Variants in SCRIB observed in about 807,000 individuals in gnomAD.
The protein encoded by SCRIB is scribble planar cell polarity protein.
SCRIB carries 72 observed loss-of-function variants against 170.0 expected under a neutral mutation model. The observed-to-expected ratio is 0.42, with a 90% CI of 0.35 to 0.52. The LOEUF is 0.52. Ranked by LOEUF, SCRIB falls within the 20% of genes least tolerant of loss-of-function variation. The pLI is 0.02. For synonymous variants in SCRIB, 1,298 were observed against 1,044.3 expected (o/e 1.24, Z -4.68); for missense variants, 2,475 against 2,338.5 (o/e 1.06, Z -1.20).
In SCRIB at chr8:143,812,427, C is replaced by T. The variant is rs112190071; in HGVS notation, c.788-43G>A. 178 of 1,452,350 alleles carry T rather than the reference C, an allele frequency of 1.2e-4. No individual in the cohort carries two copies. The African/African-American group carries it at 2.1e-3, about 17-fold the overall frequency. The allele number at this position is 1,452,350 out of a possible 1,614,324, so 90.0% of individuals were successfully genotyped here. ...GGGGGACAAGGCTGAGCATGGTCCC[C>T]AGACGTGCCTTACCCACCTGGCCAG... On this transcript the variant is annotated intron_variant, in intron 8 of 36. Transcript: ENST00000356994.
chr8:143,807,908 G>A (rs1374534960), intron 15 of SCRIB, among the ~76,000 whole-genome samples: 1 of 152,170 alleles, frequency 6.6e-6, no homozygotes, highest in Non-Finnish European at 1.5e-5. Context: ...GTCATCAAGG[G>A]CAGGGATAGT....
rs782766491 is a variant in SCRIB, at chr8:143,792,815, C to A, written c.4070G>T (p.Arg1357Leu). The A allele has an allele frequency of 2.6e-6, 4 of 1,554,760 alleles. No individual in the cohort carries two copies. Among genetic ancestry groups the A allele is most frequent in the Non-Finnish European group, 3.5e-6 (4 of 1,152,120 alleles). ...CACCTCCAGCTCAAAGTACTTCTGC[C>A]GCTCCCGGAAGGACAGCTGCTCCGG... ...ASPEQLSFRERQKYFELEVRV... is the reference protein window; with the variant it reads ...ASPEQLSFRELQKYFELEVRV... Residue 1357 changes from arginine (R) to leucine (L), a missense_variant, in exon 30 of 37, where the codon CGG becomes CTG. Coordinates refer to ENST00000356994, the MANE Select transcript of SCRIB (RefSeq NM_182706.5).
At chr8:143,796,503 C>A (rs933497947) in intron 24 of SCRIB, among the ~76,000 whole-genome samples, 2 of 151,956 alleles carry the variant, frequency 1.3e-5, no homozygotes, top group Non-Finnish European at 2.9e-5. Flanking sequence ...CTGCTCAGGC[C>A]GGGGGAGAAA....
chr8:143,813,709 G>A lies in SCRIB; in HGVS notation c.374C>T (p.Thr125Ile). ...NPLSRLPDGF[T>I]QLRSLAHLAL... ...CAGGTGAGCCAGGCTGCGCAGCTGA[G>A]TGAAGCCATCAGGGAGCCTGGATGG... The change falls in exon 4 of 37, where the codon ACT becomes ATT. Residue 125 changes from threonine (T) to isoleucine (I), a missense_variant. This residue lies in a region of SCRIB where 487 missense variants were observed against 558.1 expected (regional missense o/e 0.87). Coordinates refer to ENST00000356994, the MANE Select transcript of SCRIB (RefSeq NM_182706.5). 6.2e-7 allele frequency: 1 copy of A among 1,613,604 alleles called. No homozygotes were observed. The highest frequency in any genetic ancestry group is 8.5e-7 in the Non-Finnish European group (1 of 1,180,022).
At chr8:143,805,035 G>A in intron 19 of SCRIB, 21 bp from the exon 20 acceptor site, 1 of 1,584,350 alleles carries the variant, frequency 6.3e-7, no homozygotes, top group Non-Finnish European at 8.6e-7. Flanking sequence ...GGGTGGAGGA[G>A]GCAGGGCTGC....
At chr8:143,811,100 G>A (rs1815695663) in intron 10 of SCRIB, 28 bp from the exon 11 acceptor site, 5 of 1,606,550 alleles carry the variant, frequency 3.1e-6, no homozygotes, top group Non-Finnish European at 4.2e-6. Context: ...ACAGTCAGCA[G>A]GCGTTGGGGC....
At chr8:143,806,788 C>G (rs571435756) in intron 17 of SCRIB, 136 bp downstream of exon 17, 9 of 695,424 alleles carry the variant, frequency 1.3e-5, no homozygotes, top group African/African-American at 9.0e-5. Context: ...GATCCCACAA[C>G]AGTAGGTGCC....
chr8:143,801,780 G>A lies in SCRIB; in HGVS notation c.3603+1603C>T, dbSNP rs191818572. Among the ~76,000 whole-genome samples, 34 of 152,284 alleles carry A rather than the reference G, an allele frequency of 2.2e-4. No individual in the cohort carries two copies. In the East Asian group the frequency reaches 4.5e-3, roughly 20 times the overall value. ...ACTGCTCGGGACCCCTGGCTTGCCCGACGCGGCAGAAATGGTATCTGCCCC... is the reference window on the plus strand; with the variant it reads ...ACTGCTCGGGACCCCTGGCTTGCCCAACGCGGCAGAAATGGTATCTGCCCC... On this transcript the variant is annotated intron_variant, in intron 24 of 36. Coordinates refer to ENST00000356994, the MANE Select transcript of SCRIB (RefSeq NM_182706.5).
chr8:143,792,981 C>A lies in SCRIB; in HGVS notation c.4012G>T (p.Ala1338Ser). ...PTSHPPEDAP[A>S]QPPTPGPAAS... is the part of the protein sequence containing the mutation. ...GGCGTGCTGCCCCCACACACCTGGG[C>A]AGGGGCATCCTCAGGCGGGTGAGAA... Residue 1338 changes from alanine (A) to serine (S), a missense_variant, in exon 29 of 37, where the codon GCC becomes TCC. Coordinates refer to ENST00000356994, the MANE Select transcript of SCRIB (RefSeq NM_182706.5). The A allele has an allele frequency of 1.3e-6, 2 of 1,510,292 alleles. No homozygotes were observed. The highest frequency in any genetic ancestry group is 1.3e-5 in the South Asian group (1 of 77,828). 93.6% of individuals were successfully genotyped at this position (1,510,292 alleles called of 1,614,324 possible).
chr8:143,804,116 C>A lies in SCRIB; in HGVS notation c.3050G>T (p.Ser1017Ile), dbSNP rs781963200. 6.2e-7 allele frequency: 1 copy of A among 1,612,782 alleles called. No individual in the cohort carries two copies. The highest frequency in any genetic ancestry group is 8.5e-7 in the Non-Finnish European group (1 of 1,179,454). The change falls in exon 22 of 37, where the codon AGT becomes ATT. Residue 1017 changes from serine to isoleucine, a missense_variant. Physicochemically the swap from Ser to Ile is moderately radical, Grantham distance 142. Coordinates refer to ENST00000356994, the MANE Select transcript of SCRIB (RefSeq NM_182706.5). The stretch of plus-strand genomic sequence containing the variant: ...GGAATGGTCGGAGCCTCCGACAATA[C>A]TAAGCCCCAGAGGGCCCCCAGCTCT... ...LPRAGGPLGL[S>I]IVGGSDHSSH...
In SCRIB at chr8:143,813,090, C is replaced by T. The variant is rs1445740744; in HGVS notation, c.582G>A (p.Gly194=). The T allele has an allele frequency of 1.3e-6, 2 of 1,579,206 alleles. No homozygotes were observed. The highest frequency in any genetic ancestry group is 2.7e-5 in the African/African-American group (2 of 74,428). Residue 194 remains glycine, a synonymous_variant, in exon 7 of 37, where the codon GGG becomes GGA. Coordinates refer to ENST00000356994, the MANE Select transcript of SCRIB (RefSeq NM_182706.5). ...ACAGCTCCCGAAGATTGGGCAGAGC[C>T]CCCAGAGTGTCTGGCTGCAAGAAGG... ...NDLEVLPDTL[G]ALPNLRELWL...
At chr8:143,803,987 T>C in intron 22 of SCRIB, 47 bp from the exon 23 acceptor site, 1 of 1,573,992 alleles carries the variant, frequency 6.4e-7, no homozygotes, top group Admixed American at 1.8e-5. Flanking sequence ...CGCGCTGACC[T>C]GCGCTGGTAC....
At position 143,791,193 on chromosome 8, in the gene SCRIB, C is replaced by T; in HGVS notation, c.4938G>A (p.Gly1646=). The T allele has an allele frequency of 3.5e-6, 5 of 1,443,416 alleles. No individual in the cohort carries two copies. The highest frequency in any genetic ancestry group is 4.6e-6 in the Non-Finnish European group (5 of 1,096,222). 89.4% of individuals were successfully genotyped at this position (1,443,416 alleles called of 1,614,324 possible). ...AGGGCACAGGGCCCAGGCCACGGCG[C>T]CCAGGCCTTACGGGGCGGCGGCTGC... ...LCSSRRPVRP[G]RRGLGPVPS is the part of the protein sequence containing the mutation. The change falls in exon 37 of 37, where the codon GGG becomes GGA. Residue 1646 remains glycine, a synonymous_variant. Coordinates refer to ENST00000356994, the MANE Select transcript of SCRIB (RefSeq NM_182706.5).
intron 28 of SCRIB, chr8:143,793,494 T>A (rs1814805010): frequency 7.0e-6 from 2 of 286,858 alleles, no homozygotes; most frequent in Admixed American, 4.9e-5. Context: ...GGGGCTGAGC[T>A]GGGGCTGGGT....
chr8:143,809,476 C>T, intron 14 of SCRIB, 75 bp downstream of exon 14: 2 of 1,519,320 alleles, frequency 1.3e-6, no homozygotes, highest in Non-Finnish European at 1.8e-6. Flanking sequence ...AAACCGATCC[C>T]AGCTGAGGCC....
intron 17 of SCRIB, 65 bp downstream of exon 17, chr8:143,806,859 C>G (rs1394868359): frequency 8.8e-7 from 1 of 1,142,360 alleles, no homozygotes; most frequent in Non-Finnish European, 1.3e-6. Context: ...GCCTGTGTGC[C>G]ATCAGTGTGA....
chr8:143,807,736 G>T, intron 15 of SCRIB, 122 bp from the exon 16 acceptor site: 1 of 799,254 alleles, frequency 1.3e-6, no homozygotes, highest in Non-Finnish European at 2.2e-6. Context: ...TCCCTCGACT[G>T]CCCTGGCACG....
chr8:143,806,454 C>A lies in SCRIB; in HGVS notation c.2299G>T (p.Gly767Cys). ...GIFISRVSEE[G>C]PAARAGVRVG... The stretch of plus-strand genomic sequence containing the variant: ...CGGACTCCAGCCCGGGCCGCAGGGC[C>A]TTCCTCGGACACCCGAGAGATGAAT... Residue 767 changes from glycine to cysteine, a missense_variant, in exon 18 of 37, where the codon GGC becomes TGC. Transcript: ENST00000356994. The A allele has an allele frequency of 6.2e-7, 1 of 1,604,952 alleles. No individual in the cohort carries two copies. The highest frequency in any genetic ancestry group is 2.2e-5 in the East Asian group (1 of 44,550).
intron 15 of SCRIB, among the ~76,000 whole-genome samples, chr8:143,808,166 G>C (rs1449222687): frequency 1.3e-5 from 2 of 152,208 alleles, no homozygotes; most frequent in African/African-American, 4.8e-5. Flanking sequence ...CCTGCCCTGG[G>C]ACCACGACAC....
Sources: allele counts gnomAD v4.1 joint callset (sites outside exome capture counted in the v4.1 genomes callset), GRCh38; gene constraint gnomAD v4.1.1; regional missense constraint gnomAD v4.1.1; transcripts MANE v1.5; gene names NCBI Gene and HGNC (gene_info 2026-07-23, HGNC 2026-07-21).